Variants in WIPI2 observed in about 807,000 individuals in gnomAD.
WIPI2 encodes WD repeat domain phosphoinositide-interacting protein 2.
Under a neutral mutation model 52.3 loss-of-function variants are expected in WIPI2, and 28 were observed. The ratio of observed to expected loss-of-function variants is 0.54; its 90% confidence interval spans 0.40 to 0.73. WIPI2 has a LOEUF of 0.73. WIPI2 is among the 30% of genes least tolerant of loss of function. The pLI, the probability that WIPI2 is intolerant of heterozygous loss-of-function variation, is 0.00. For missense variants in WIPI2, 506 were observed against 602.9 expected (o/e 0.84, Z 1.68); for synonymous variants, 268 against 245.0 (o/e 1.09, Z -0.88).
At position 5,228,167 on chromosome 7, in the gene WIPI2, G is replaced by A; in HGVS notation, c.1077G>A (p.Leu359=). The A allele has an allele frequency of 1.2e-6, 2 of 1,613,762 alleles. No homozygotes were observed. The highest frequency in any genetic ancestry group is 1.7e-6 in the Non-Finnish European group (2 of 1,179,956). ...AADGYLYMYN[L]DPQEGGECAL... is the part of the protein sequence containing the mutation. ...ACGGGTACCTGTACATGTACAACCT[G>A]GACCCCCAGGAGGGCGGCGAGTGTG... Residue 359 remains leucine, a synonymous_variant, in exon 11 of 13, where the codon CTG becomes CTA. Coordinates refer to ENST00000288828, the MANE Select transcript of WIPI2 (RefSeq NM_015610.4).
rs532136866 is a variant in WIPI2, at chr7:5,208,904, C to G, written c.212-5631C>G. ...GATTATGATTAGGATGGGATTGGAC[C>G]TAGAGATCAGTTTGAGGGTTGATAC... On this transcript the variant is annotated intron_variant, in intron 3 of 12. Transcript: ENST00000288828. 1.3e-3 allele frequency among the ~76,000 whole-genome samples: 198 copies of G among 152,120 alleles called. 1 individual carries two copies. The highest frequency in any genetic ancestry group is 4.4e-3 in the African/African-American group (181 of 41,508).
chr7:5,224,523 A>G (rs922182283), intron 8 of WIPI2, among the ~76,000 whole-genome samples: 2 of 152,190 alleles, frequency 1.3e-5, no homozygotes, highest in African/African-American at 4.8e-5. Flanking sequence ...GAGTTTTACT[A>G]CTACTCAAAT....
At chr7:5,201,104 C>T (rs1262441868) in intron 3 of WIPI2, among the ~76,000 whole-genome samples, 1 of 152,218 alleles carries the variant, frequency 6.6e-6, no homozygotes, top group East Asian at 1.9e-4. Flanking sequence ...GAAGTCCTGT[C>T]ACCTGGCTGC....
intron 8 of WIPI2, 98 bp from the exon 9 acceptor site, chr7:5,225,725 A>G (rs963058083): frequency 2.6e-6 from 2 of 781,218 alleles, no homozygotes; most frequent in Non-Finnish European, 4.3e-6. Context: ...AGCAGGCCCA[A>G]GTGTGCCCGT....
At chr7:5,195,897 G>C (rs1036942320) in intron 2 of WIPI2, among the ~76,000 whole-genome samples, 2 of 151,802 alleles carry the variant, frequency 1.3e-5, no homozygotes, top group African/African-American at 4.8e-5. Context: ...AAATTAGCCG[G>C]GTGTGATGGT....
chr7:5,226,093 G>GCA, intron 9 of WIPI2, 163 bp downstream of exon 9: 1 of 660,042 alleles, frequency 1.5e-6, no homozygotes, highest in Non-Finnish European at 2.7e-6. Flanking sequence ...TCCAGGCTCG[G>GCA]CAGTGAGGAG....
At chr7:5,191,061 C>A (rs1781460009) in intron 1 of WIPI2, among the ~76,000 whole-genome samples, 1 of 151,918 alleles carries the variant, frequency 6.6e-6, no homozygotes, top group Non-Finnish European at 1.5e-5. Flanking sequence ...GCTCTGTTGC[C>A]CAGGCTGGAG....
At chr7:5,228,380 T>C (rs528993906) in intron 11 of WIPI2, among the ~76,000 whole-genome samples, 169 bp downstream of exon 11, 20 of 152,332 alleles carry the variant, frequency 1.3e-4, no homozygotes, top group African/African-American at 4.6e-4. Context: ...CCAGGTGAAA[T>C]CAATGCCGCC....
chr7:5,190,387 C>G lies in WIPI2; in HGVS notation c.-33C>G, dbSNP rs886450917. 9 of 1,339,866 alleles carry G rather than the reference C, an allele frequency of 6.7e-6. No homozygotes were observed. In the Admixed American group the frequency reaches 3.1e-4, roughly 47 times the overall value. The allele number at this position is 1,339,866 out of a possible 1,614,324, so 83.0% of individuals were successfully genotyped here. A position where few individuals can be genotyped will look rare whatever the true frequency, so the allele number is the denominator to read the frequency against. ...TGACCCGCCCTCGCGCGCGCGCCCT[C>G]CCCGGCCGGGCCCACTCGCCGCGCG... On this transcript the variant is annotated 5_prime_UTR_variant, in exon 1 of 13. Coordinates refer to ENST00000288828, the MANE Select transcript of WIPI2 (RefSeq NM_015610.4).
Position 5,231,040 on chromosome 7 carries a change from G to A in WIPI2, c.*93G>A, listed in dbSNP as rs907030096. On this transcript the variant is annotated 3_prime_UTR_variant, in exon 13 of 13. Coordinates refer to ENST00000288828, the MANE Select transcript of WIPI2 (RefSeq NM_015610.4). ...TGCTATGAACTTTGACCTGAGTCGG[G>A]GGAGAGGATGGCAGAGACTTTATTA... 8.9e-6 allele frequency: 9 copies of A among 1,013,318 alleles called. No individual in the cohort carries two copies. Among genetic ancestry groups the A allele is most frequent in the Non-Finnish European group, 1.3e-5 (9 of 713,236 alleles). The allele number at this position is 1,013,318 out of a possible 1,614,324, so 62.8% of individuals were successfully genotyped here.
intron 1 of WIPI2, among the ~76,000 whole-genome samples, chr7:5,191,963 G>T (rs536716279): frequency 2.6e-5 from 4 of 152,208 alleles, no homozygotes; most frequent in African/African-American, 7.2e-5. Context: ...AGCTGGTCTG[G>T]GTTTTGGAAT....
In WIPI2 at chr7:5,223,950, T is replaced by C. The variant is rs549614784; in HGVS notation, c.740+1278T>C. ...GATCCAGGCTTTGCCTGGTTTCTGCTGTTGCCCTGGATTCCTGTCAGGCCG... is the reference window on the plus strand; with the variant it reads ...GATCCAGGCTTTGCCTGGTTTCTGCCGTTGCCCTGGATTCCTGTCAGGCCG... On this transcript the variant is annotated intron_variant, in intron 8 of 12. Coordinates refer to ENST00000288828, the MANE Select transcript of WIPI2 (RefSeq NM_015610.4). Among the ~76,000 whole-genome samples, 5 of 152,362 alleles carry C rather than the reference T, an allele frequency of 3.3e-5. No homozygotes were observed. The South Asian group carries it at 8.3e-4, about 25-fold the overall frequency.
chr7:5,229,310 C>T (rs763200745), intron 11 of WIPI2: 11 of 245,574 alleles, frequency 4.5e-5, no homozygotes, highest in South Asian at 3.0e-4. Flanking sequence ...CCACTGCACC[C>T]GGGCTAGCCT....
At chr7:5,217,848 C>T (rs1326770828) in intron 6 of WIPI2, 74 bp from the exon 7 acceptor site, 5 of 1,445,944 alleles carry the variant, frequency 3.5e-6, no homozygotes, top group Admixed American at 1.7e-5. Context: ...TTGGCACTTG[C>T]GGACCAAGTG....
In WIPI2 at chr7:5,227,486, G is replaced by A. The variant is rs1457615230; in HGVS notation, c.1013+142G>A. ...CACTCCATCGAGAGTTGTCGGGGAT[G>A]GGAGGTCCCCTGGCAGGCACTAGGC... On this transcript the variant is annotated intron_variant, in intron 10 of 12. Coordinates refer to ENST00000288828, the MANE Select transcript of WIPI2 (RefSeq NM_015610.4). The surrounding 1 kb of genome is among the most constrained non-coding windows in gnomAD (Gnocchi z 8.1). The A allele has an allele frequency of 3.3e-6, 4 of 1,207,134 alleles. No homozygotes were observed. The highest frequency in any genetic ancestry group is 4.5e-6 in the Non-Finnish European group (4 of 885,892). 74.8% of individuals were successfully genotyped at this position (1,207,134 alleles called of 1,614,324 possible).
chr7:5,195,643 A>G (rs147750956), intron 2 of WIPI2, among the ~76,000 whole-genome samples: 66 of 152,314 alleles, frequency 4.3e-4, no homozygotes, highest in East Asian at 3.5e-3. Context: ...GGTCAGGTCA[A>G]TTTTGAAATT....
In WIPI2 at chr7:5,221,205, A is replaced by C. The variant is rs6971240; in HGVS notation, c.670-1397A>C. 1.9e-3 allele frequency among the ~76,000 whole-genome samples: 296 copies of C among 151,956 alleles called. 3 individuals are homozygous for C. The highest frequency in any genetic ancestry group is 6.4e-3 in the African/African-American group (264 of 41,400). On this transcript the variant is annotated intron_variant, in intron 7 of 12. Transcript: ENST00000288828. ...CTGGAACTCCTCACCTCAGGTGACC[A>C]CTCACCTCGGGCTCCCAAAGCTTGG... is the stretch of plus-strand genomic sequence containing the variant.
rs35296190 is a variant in WIPI2 at position 5,207,768 on chromosome 7, C to CTTTTTTTT, written c.212-6753_212-6746dup. On this transcript the variant is annotated intron_variant, in intron 3 of 12. Transcript: ENST00000288828. ...TCTGATTGCTCTATGTCCTCACTAA[C>CTTTTTTTT]TTTTTTTTTTTTTTTTTTTTTGAGA... Among the ~76,000 whole-genome samples the CTTTTTTTT allele has an allele frequency of 2.8e-5, 3 of 107,262 alleles. 1 individual carries two copies. The highest frequency in any genetic ancestry group is 1.1e-4 in the African/African-American group (3 of 28,072). 70.4% of individuals were successfully genotyped at this position (107,262 alleles called of 152,430 possible).
intron 3 of WIPI2, among the ~76,000 whole-genome samples, chr7:5,211,335 G>C (rs1484096076): frequency 6.6e-6 from 1 of 152,166 alleles, no homozygotes; most frequent in Non-Finnish European, 1.5e-5. Flanking sequence ...AGGCAGGCGT[G>C]GTGGCATGCA....
Sources: allele counts gnomAD v4.1 joint callset (sites outside exome capture counted in the v4.1 genomes callset), GRCh38; gene constraint gnomAD v4.1.1; non-coding constraint Gnocchi (gnomAD v3.1); transcripts MANE v1.5; gene names NCBI Gene and HGNC (gene_info 2026-07-23, HGNC 2026-07-21).